Variants in FBXW7 observed in about 807,000 individuals in gnomAD.
The protein encoded by FBXW7 is F-box and WD repeat domain containing 7, also known as F-box/WD repeat-containing protein 7.
In FBXW7, 11 loss-of-function variants were observed where a neutral mutation model predicts 86.3. The ratio of observed to expected loss-of-function variants is 0.13; its 90% CI spans 0.08 to 0.21. The LOEUF (loss-of-function observed/expected upper bound fraction) is 0.21, where lower values mean the gene tolerates loss of function less well. Among genes scored for constraint, FBXW7 ranks in the 10% least tolerant of loss-of-function variants. The pLI, the probability that FBXW7 is intolerant of heterozygous loss-of-function variation, is 1.00. For synonymous variants in FBXW7, 313 were observed against 297.9 expected (o/e 1.05, Z -0.52); for missense variants, 488 against 847.4 (o/e 0.58, Z 5.27).
intron 2 of FBXW7, among the ~76,000 whole-genome samples, chr4:152,509,677 G>T (rs1465085001): frequency 6.6e-6 from 1 of 152,062 alleles, no homozygotes; most frequent in African/African-American, 2.4e-5. Context: ...TTCTCAACTG[G>T]GAACAGTACT....
intron 4 of FBXW7, among the ~76,000 whole-genome samples, chr4:152,358,706 C>T (rs186879319): frequency 3.3e-5 from 5 of 152,190 alleles, no homozygotes; most frequent in Admixed American, 6.5e-5. Flanking sequence ...TTGACCTTTA[C>T]GAGTTTGTTT....
At chr4:152,471,571 AAG>A (rs1324302761) in intron 2 of FBXW7, among the ~76,000 whole-genome samples, 3 of 150,842 alleles carry the variant, frequency 2.0e-5, no homozygotes, top group African/African-American at 7.3e-5. Flanking sequence ...GGAAGAGAGA[AAG>A]AGAGAGGGAA....
intron 4 of FBXW7, among the ~76,000 whole-genome samples, chr4:152,375,911 G>A (rs2126756382): frequency 1.3e-5 from 2 of 152,128 alleles, no homozygotes; most frequent in East Asian, 3.9e-4. Flanking sequence ...GCATAACGAT[G>A]TTCAAAGCAG....
intron 2 of FBXW7, among the ~76,000 whole-genome samples, chr4:152,466,384 G>A (rs1743441490): frequency 6.6e-6 from 1 of 151,634 alleles, no homozygotes; most frequent in Admixed American, 6.6e-5. Context: ...GTGAAACCCC[G>A]TCTCTTCTAA....
intron 2 of FBXW7, among the ~76,000 whole-genome samples, chr4:152,464,851 C>T (rs1743261774): frequency 6.6e-6 from 1 of 152,142 alleles, no homozygotes; most frequent in Admixed American, 6.5e-5. Flanking sequence ...GAAATATTCT[C>T]TGCAATGATG....
At chr4:152,452,317 T>C (rs1741982789) in intron 2 of FBXW7, among the ~76,000 whole-genome samples, 1 of 152,164 alleles carries the variant, frequency 6.6e-6, no homozygotes, top group African/African-American at 2.4e-5. Flanking sequence ...GCAAAACAAA[T>C]TTAGAATCAC....
chr4:152,362,322 T>C (rs1349230067), intron 4 of FBXW7, among the ~76,000 whole-genome samples: 1 of 152,148 alleles, frequency 6.6e-6, no homozygotes, highest in Non-Finnish European at 1.5e-5. Context: ...GAAAAAATCC[T>C]ATGAGGAATA....
intron 4 of FBXW7, among the ~76,000 whole-genome samples, chr4:152,387,319 A>G (rs1681144479): frequency 6.6e-6 from 1 of 152,222 alleles, no homozygotes. Context: ...AGTGCAATAA[A>G]TCAGAATCAA....
chr4:152,327,474 G>A (rs544073611), intron 11 of FBXW7, among the ~76,000 whole-genome samples: 13 of 152,036 alleles, frequency 8.6e-5, no homozygotes, highest in African/African-American at 2.9e-4. Context: ...GTATGATGAC[G>A]ATAATAGAAA....
At chr4:152,492,450 T>A (rs1745954863) in intron 2 of FBXW7, among the ~76,000 whole-genome samples, 1 of 152,176 alleles carries the variant, frequency 6.6e-6, no homozygotes, top group Non-Finnish European at 1.5e-5. Context: ...TATAAGAAAT[T>A]GCCAGTGGTA....
chr4:152,426,595 C>T lies in FBXW7; in HGVS notation c.-119-14066G>A, dbSNP rs528729925. ...CAAACTCCTGACCTGGTGATCCGCC[C>T]GCCTCGGCCTCCCAAAGGAAGCAAC... is the stretch of plus-strand genomic sequence containing the variant. On this transcript the variant is annotated intron_variant, in intron 2 of 13. Transcript: ENST00000281708. Among the ~76,000 whole-genome samples the T allele has an allele frequency of 1.4e-3, 211 of 152,192 alleles. 1 individual carries two copies. The highest frequency in any genetic ancestry group is 2.3e-3 in the Non-Finnish European group (159 of 68,002).
At chr4:152,328,883 A>C (rs1426326240) in intron 10 of FBXW7, 3 of 152,084 alleles carry the variant, frequency 2.0e-5, no homozygotes, top group Non-Finnish European at 4.4e-5. Flanking sequence ...CCCTGTAATA[A>C]ATCCCAAACT....
At chr4:152,360,898 A>G (rs1178624627) in intron 4 of FBXW7, among the ~76,000 whole-genome samples, 1 of 150,224 alleles carries the variant, frequency 6.7e-6, no homozygotes, top group Non-Finnish European at 1.5e-5. Context: ...CAGATACAGA[A>G]AGTCCAGATT....
intron 2 of FBXW7, among the ~76,000 whole-genome samples, chr4:152,495,033 G>A (rs189351891): frequency 1.1e-4 from 17 of 152,190 alleles, no homozygotes; most frequent in Admixed American, 2.6e-4. Flanking sequence ...TTTCAATTAA[G>A]GAAATTTATA....
intron 4 of FBXW7, among the ~76,000 whole-genome samples, chr4:152,351,808 T>C (rs1435498051): frequency 6.6e-6 from 1 of 152,140 alleles, no homozygotes; most frequent in Non-Finnish European, 1.5e-5. Context: ...AAATACCATT[T>C]GCCACTAAAA....
intron 2 of FBXW7, among the ~76,000 whole-genome samples, chr4:152,435,720 C>T (rs1516823): frequency 0.1 from 15,719 of 152,212 alleles, 1,049 homozygotes; most frequent in South Asian, 0.19. Context: ...CAGTTTACTG[C>T]ACTTCACAAA....
At chr4:152,441,882 A>C (rs1288538553) in intron 2 of FBXW7, among the ~76,000 whole-genome samples, 1 of 152,220 alleles carries the variant, frequency 6.6e-6, no homozygotes, top group African/African-American at 2.4e-5. Flanking sequence ...CTTTTCTTTT[A>C]AAAATTAAAC....
In FBXW7 at chr4:152,429,910, C is replaced by T. The variant is rs964143658; in HGVS notation, c.-119-17381G>A. Among the ~76,000 whole-genome samples, 4 of 152,104 alleles carry T rather than the reference C, an allele frequency of 2.6e-5. No individual in the cohort carries two copies. In the South Asian group the frequency reaches 8.3e-4, roughly 31 times the overall value. The stretch of plus-strand genomic sequence containing the variant: ...AAGATTTTCTGCTAATATTTTAGTT[C>T]TGTATCTTGAGTAGCTAAATTGGTG... On this transcript the variant is annotated intron_variant, in intron 2 of 13. Coordinates refer to ENST00000281708, the MANE Select transcript of FBXW7 (RefSeq NM_001349798.2).
At chr4:152,376,180 A>G (rs1734498596) in intron 4 of FBXW7, among the ~76,000 whole-genome samples, 1 of 152,114 alleles carries the variant, frequency 6.6e-6, no homozygotes, top group African/African-American at 2.4e-5. Context: ...ATAGTTTTAT[A>G]AAGAGAAGTA....
Sources: gnomAD v4.1 joint callset for allele counts (sites outside exome capture counted in the v4.1 genomes callset) on GRCh38, gnomAD v4.1.1 for gene constraint, MANE v1.5 for transcripts, NCBI Gene and HGNC (gene_info 2026-07-23, HGNC 2026-07-21) for gene names.